Variants in MARCHF10 observed in about 807,000 individuals in gnomAD.
MARCHF10 encodes the protein probable E3 ubiquitin-protein ligase MARCHF10.
Under a neutral mutation model 76.2 loss-of-function variants are expected in MARCHF10, and 64 were observed. The observed-to-expected ratio is 0.84, with a 90% CI of 0.69 to 1.03. The LOEUF (loss-of-function observed/expected upper bound fraction) is 1.03, where lower values mean the gene tolerates loss of function less well. MARCHF10 is among the 50% of genes least tolerant of loss of function. The pLI is 0.00. For synonymous variants in MARCHF10, 340 were observed against 357.5 expected (o/e 0.95, Z 0.55); for missense variants, 875 against 958.0 (o/e 0.91, Z 1.14).
chr17:62,796,720 G>C (rs2092991765), intron 2 of MARCHF10, among the ~76,000 whole-genome samples: 1 of 152,222 alleles, frequency 6.6e-6, no homozygotes, highest in Admixed American at 6.5e-5. Flanking sequence ...CGGGTGCGGT[G>C]GCTCACGCCT....
At chr17:62,774,985 C>T (rs2092520874) in intron 3 of MARCHF10, among the ~76,000 whole-genome samples, 2 of 151,730 alleles carry the variant, frequency 1.3e-5, no homozygotes, top group African/African-American at 2.4e-5. Flanking sequence ...ACCTCGGAGG[C>T]GGAGGTTGCA....
At chr17:62,728,443 C>A (rs138328010) in intron 6 of MARCHF10, among the ~76,000 whole-genome samples, 2 of 152,294 alleles carry the variant, frequency 1.3e-5, no homozygotes, top group Non-Finnish European at 2.9e-5. Flanking sequence ...GCGTGCTGGC[C>A]ACCTCTCTCT....
chr17:62,790,504 A>G (rs2092824409), intron 2 of MARCHF10, among the ~76,000 whole-genome samples: 1 of 152,176 alleles, frequency 6.6e-6, no homozygotes, highest in African/African-American at 2.4e-5. Flanking sequence ...ATGTTTCTAT[A>G]CTTGCAGATC....
intron 3 of MARCHF10, among the ~76,000 whole-genome samples, chr17:62,787,663 C>T (rs920942894): frequency 2.6e-5 from 4 of 152,118 alleles, no homozygotes; most frequent in Non-Finnish European, 2.9e-5. Flanking sequence ...ATCTCTACCA[C>T]GCACTGGCTG....
intron 3 of MARCHF10, among the ~76,000 whole-genome samples, chr17:62,774,469 A>T (rs1009124174): frequency 3.3e-5 from 5 of 152,126 alleles, no homozygotes; most frequent in African/African-American, 1.2e-4. Context: ...CTCGGTGGAC[A>T]GTGTTTCCAC....
At chr17:62,746,463 AAGAC>A (rs752758457) in intron 4 of MARCHF10, among the ~76,000 whole-genome samples, 4 of 150,640 alleles carry the variant, frequency 2.7e-5, no homozygotes, top group Admixed American at 6.6e-5. Context: ...GAGAGACAGA[AAGAC>A]AGAGAGAGAG....
At chr17:62,737,532 C>T (rs890706108) in intron 5 of MARCHF10, 200 bp from the exon 6 acceptor site, 2 of 579,720 alleles carry the variant, frequency 3.4e-6, no homozygotes, top group Non-Finnish European at 6.0e-6. Flanking sequence ...CTCCTTTGTA[C>T]CCCTGTGGTC....
rs1263905610 is a variant in MARCHF10, at chr17:62,701,638, T to C, written c.*65A>G. ...TAAAGAGGAGGAGGGAGGGAGGCAC[T>C]TGGGGACGTAGAAAGAAGGGCTGGC... On this transcript the variant is annotated 3_prime_UTR_variant, in exon 11 of 11. Transcript: ENST00000311269. 17 of 1,612,192 alleles carry C rather than the reference T, an allele frequency of 1.1e-5. No individual in the cohort carries two copies. The highest frequency in any genetic ancestry group is 6.7e-5 in the Admixed American group (4 of 59,998).
intron 3 of MARCHF10, among the ~76,000 whole-genome samples, chr17:62,767,830 A>C (rs775398229): frequency 1.3e-5 from 2 of 152,168 alleles, no homozygotes; most frequent in Non-Finnish European, 2.9e-5. Flanking sequence ...TAAATCGCTA[A>C]GAGTTGAAGT....
At chr17:62,792,659 A>G (rs2092869358) in intron 2 of MARCHF10, among the ~76,000 whole-genome samples, 2 of 127,070 alleles carry the variant, frequency 1.6e-5, no homozygotes, top group Admixed American at 7.7e-5. Flanking sequence ...CAACACAACC[A>G]TCAACCACCA....
At chr17:62,732,984 C>T (rs1178270884) in intron 6 of MARCHF10, among the ~76,000 whole-genome samples, 1 of 111,604 alleles carries the variant, frequency 9.0e-6, no homozygotes, top group Non-Finnish European at 1.7e-5. Context: ...TAGAGCAAGA[C>T]TCAGTCTCAA....
chr17:62,792,019 C>A (rs2092852328), intron 2 of MARCHF10, among the ~76,000 whole-genome samples: 1 of 152,056 alleles, frequency 6.6e-6, no homozygotes, highest in Non-Finnish European at 1.5e-5. Flanking sequence ...GATCATGTGG[C>A]AAAACTGGCC....
chr17:62,800,043 C>T (rs1033977359), intron 2 of MARCHF10, among the ~76,000 whole-genome samples: 2 of 152,234 alleles, frequency 1.3e-5, no homozygotes, highest in African/African-American at 2.4e-5. Flanking sequence ...TTATTTTCCT[C>T]ATTGTATTTA....
chr17:62,760,038 T>C, intron 3 of MARCHF10, 32 bp from the exon 4 acceptor site: 1 of 1,593,688 alleles, frequency 6.3e-7, no homozygotes, highest in Non-Finnish European at 8.6e-7. Context: ...TGAGTCTCAG[T>C]GGCCAAGTAG....
intron 9 of MARCHF10, among the ~76,000 whole-genome samples, chr17:62,709,471 G>A (rs2089791526): frequency 6.6e-6 from 1 of 151,944 alleles, no homozygotes; most frequent in South Asian, 2.1e-4. Context: ...CAAGACTCTT[G>A]TCTCAAAAAA....
At position 62,711,443 on chromosome 17, in the gene MARCHF10, G is replaced by T; in HGVS notation, c.2215-99C>A. The stretch of plus-strand genomic sequence containing the variant: ...CAAGGCTAAGAGGTGACAAGAACTG[G>T]GAGAAGAGCCCAAGCTCCAAGGCAA... On this transcript the variant is annotated intron_variant, in intron 8 of 10. Coordinates refer to ENST00000311269, the MANE Select transcript of MARCHF10 (RefSeq NM_152598.4). The surrounding 1 kb of genome is among the most constrained non-coding windows in gnomAD (Gnocchi z 4.4). 1 of 1,125,886 alleles carries T rather than the reference G, an allele frequency of 8.9e-7. No individual in the cohort carries two copies. Among genetic ancestry groups the T allele is most frequent in the Non-Finnish European group, 1.3e-6 (1 of 770,550 alleles). The allele number at this position is 1,125,886 out of a possible 1,614,324, so 69.7% of individuals were successfully genotyped here.
chr17:62,767,299 A>G (rs2092354762), intron 3 of MARCHF10, among the ~76,000 whole-genome samples: 1 of 152,164 alleles, frequency 6.6e-6, no homozygotes, highest in Non-Finnish European at 1.5e-5. Flanking sequence ...TGTGGTTTCA[A>G]TGGTTTATTT....
intron 10 of MARCHF10, among the ~76,000 whole-genome samples, chr17:62,702,816 CCT>C (rs2089326361): frequency 6.6e-6 from 1 of 152,220 alleles, no homozygotes; most frequent in African/African-American, 2.4e-5. Context: ...AGCCCAAGCC[CCT>C]GAGCTGCCCC....
rs77433329 is a variant in MARCHF10, at chr17:62,747,086, G to C, written c.383-2558C>G. The C allele has an allele frequency of 1.9e-3, 1,497 of 773,018 alleles. 13 individuals are homozygous for C. In the African/African-American group the frequency reaches 0.023, roughly 12 times the overall value. The allele number at this position is 773,018 out of a possible 1,614,324, so 47.9% of individuals were successfully genotyped here. ...TCTTTTCTCTCCAACTAGCCTGCAC[G>C]CTCCTTAAGAATGAGGATCGTCTCT... On this transcript the variant is annotated intron_variant, in intron 4 of 10. Transcript: ENST00000311269.
Sources: gnomAD v4.1 joint callset for allele counts (sites outside exome capture counted in the v4.1 genomes callset) on GRCh38, gnomAD v4.1.1 for gene constraint, Gnocchi (gnomAD v3.1) non-coding constraint, MANE v1.5 for transcripts, NCBI Gene and HGNC (gene_info 2026-07-23, HGNC 2026-07-21) for gene names.